The following TUBGCP6 variants were observed in gnomAD, a reference collection of about 807,000 sequenced individuals.
TUBGCP6 encodes tubulin gamma complex component 6, also known as gamma-tubulin complex component 6.
Under a neutral mutation model 175.8 loss-of-function variants are expected in TUBGCP6, and 161 were observed. The ratio of observed to expected loss-of-function variants is 0.92; its 90% CI spans 0.81 to 1.04. The LOEUF (loss-of-function observed/expected upper bound fraction) is 1.04. TUBGCP6 is among the 50% of genes least tolerant of loss of function. The pLI is 0.00. For synonymous variants in TUBGCP6, 1,173 were observed against 1,030.5 expected, an observed-to-expected ratio of 1.14 and a Z score of -2.65; for missense variants, 2,572 against 2,433.0, an observed-to-expected ratio of 1.06 and a Z score of -1.20.
chr22:50,224,802 C>T (rs759904101), intron 10 of TUBGCP6, among the ~76,000 whole-genome samples: 40 of 152,006 alleles, frequency 2.6e-4, no homozygotes, highest in African/African-American at 6.5e-4. Flanking sequence ...AACTATTTGG[C>T]GGGGGTCAGG....
Position 50,221,558 on chromosome 22 carries a change from G to C in TUBGCP6, c.2801C>G (p.Pro934Arg), listed in dbSNP as rs772508851. Residue 934 changes from proline (P) to arginine (R), a missense_variant, in exon 16 of 25, where the codon CCT becomes CGT. Physicochemically the swap from Pro to Arg is moderately radical, Grantham distance 103. Coordinates refer to ENST00000248846, the MANE Select transcript of TUBGCP6 (RefSeq NM_020461.4). ...TINLDLPPSA[P>R]GEAPAAASTQ... Reference sequence around the variant, plus strand: ...GCTGGCTGCTGCGGGTGCCTCCCCAGGAGCTGAGGGGGGCAGGTCCAAGTT... The same window carrying C: ...GCTGGCTGCTGCGGGTGCCTCCCCACGAGCTGAGGGGGGCAGGTCCAAGTT... 6.3e-7 allele frequency: 1 copy of C among 1,587,640 alleles called. No homozygotes were observed.
At chr22:50,227,542 C>T (rs994834241) in intron 5 of TUBGCP6, among the ~76,000 whole-genome samples, 3 of 152,204 alleles carry the variant, frequency 2.0e-5, no homozygotes, top group Non-Finnish European at 2.9e-5. Context: ...CCCACTGCTC[C>T]CAATGCCCAG....
intron 2 of TUBGCP6, among the ~76,000 whole-genome samples, chr22:50,238,008 C>G (rs1229536662): frequency 1.3e-5 from 2 of 152,130 alleles, no homozygotes; most frequent in African/African-American, 4.8e-5. Flanking sequence ...TGTAATCCCA[C>G]TGTAATCCCA....
At chr22:50,220,159 C>T in intron 16 of TUBGCP6, 92 bp downstream of exon 16, 1 of 1,548,064 alleles carries the variant, frequency 6.5e-7, no homozygotes, top group Non-Finnish European at 8.8e-7. Flanking sequence ...CTGAGGGGAA[C>T]TTCACATGCC....
At chr22:50,219,601 A>G (rs377065450) in intron 18 of TUBGCP6, 43 bp downstream of exon 18, 1 of 1,603,966 alleles carries the variant, frequency 6.2e-7, no homozygotes, top group Non-Finnish European at 8.5e-7. Flanking sequence ...GCTGGGAACC[A>G]GCCAGCCCAG....
At chr22:50,227,732 C>A (rs535867782) in intron 5 of TUBGCP6, among the ~76,000 whole-genome samples, 175 bp downstream of exon 5, 1 of 152,336 alleles carries the variant, frequency 6.6e-6, no homozygotes, top group African/African-American at 2.4e-5. Flanking sequence ...GGCAGACACA[C>A]CCGCTCAGCA....
chr22:50,220,565 C>T lies in TUBGCP6; in HGVS notation c.3794G>A (p.Arg1265Gln), dbSNP rs201525094. ...PVSDVVSTRP[R>Q]WNTHVPIPPP... The stretch of plus-strand genomic sequence containing the variant: ...AGGGATGGGTACATGGGTGTTCCAC[C>T]GTGGCCGGGTGGAAACCACATCCGA... Residue 1265 changes from arginine (R) to glutamine (Q), a missense_variant, in exon 16 of 25, where the codon CGG (arginine) becomes CAG (glutamine). Physicochemically the swap from Arg to Gln is conservative, Grantham distance 43 (BLOSUM62 1). Transcript: ENST00000248846. The T allele has an allele frequency of 3.6e-5, 58 of 1,613,632 alleles. No individual in the cohort carries two copies. The highest frequency in any genetic ancestry group is 4.5e-5 in the Non-Finnish European group (53 of 1,180,016).
In TUBGCP6 at chr22:50,229,572, G is replaced by A. The variant is rs1197607982; in HGVS notation, c.1122C>T (p.Ala374=). 1.9e-6 allele frequency: 3 copies of A among 1,589,554 alleles called. No individual in the cohort carries two copies. The highest frequency in any genetic ancestry group is 2.6e-6 in the Non-Finnish European group (3 of 1,169,018). ...VSATFSLCQP[A]QAFVVKRGVH... ...CGCCCCGCTTCACCACAAAGGCCTG[G>A]GCCGGCTGCACAGGGGCAGAGGACA... The change falls in exon 4 of 25, where the codon GCC becomes GCT. Residue 374 remains alanine, a synonymous_variant. Transcript: ENST00000248846.
At chr22:50,222,714 C>G in intron 13 of TUBGCP6, 122 bp from the exon 14 acceptor site, 1 of 1,405,428 alleles carries the variant, frequency 7.1e-7, no homozygotes, top group South Asian at 1.3e-5. Context: ...CCCCCGTCTC[C>G]CCCTACCAGG....
In TUBGCP6 at chr22:50,219,277, G is replaced by A. The variant is rs772274798; in HGVS notation, c.4484+11C>T. On this transcript the variant is annotated intron_variant, in intron 19 of 24. Coordinates refer to ENST00000248846, the MANE Select transcript of TUBGCP6 (RefSeq NM_020461.4). ...GGGTGGGCAGACTGGCGCAGGGGCA[G>A]GGGCACTCACTGGGCGGCCAGCGGT... 1.9e-6 allele frequency: 3 copies of A among 1,607,362 alleles called. No homozygotes were observed. The East Asian group carries it at 6.7e-5, about 36-fold the overall frequency.
chr22:50,237,741 C>A (rs1025701244), intron 2 of TUBGCP6, among the ~76,000 whole-genome samples: 2 of 152,204 alleles, frequency 1.3e-5, no homozygotes, highest in Admixed American at 6.5e-5. Context: ...CAGTCTCCAG[C>A]GTATTCAGAA....
chr22:50,227,829 G>T, intron 5 of TUBGCP6, 78 bp downstream of exon 5: 2 of 1,533,640 alleles, frequency 1.3e-6, no homozygotes, highest in South Asian at 2.4e-5. Context: ...CCAGGGAGCA[G>T]GGCAAACCCT....
At position 50,226,323 on chromosome 22, in the gene TUBGCP6, T is replaced by C. The variant is rs75788615; in HGVS notation, c.1657A>G (p.Met553Val). ...GVFRDAYGEF[M>V]IQVNHEYLSF... ...AGGTACTCGTGGTTCACCTGAATCATGAACTCGCCATAAGCGTCTCTGAAC... is the reference window on the plus strand; with the variant it reads ...AGGTACTCGTGGTTCACCTGAATCACGAACTCGCCATAAGCGTCTCTGAAC... The change falls in exon 8 of 25, where the codon ATG becomes GTG. Residue 553 changes from methionine (M) to valine (V), a missense_variant. Coordinates refer to ENST00000248846, the MANE Select transcript of TUBGCP6 (RefSeq NM_020461.4). 3.7e-6 allele frequency: 6 copies of C among 1,613,744 alleles called. No homozygotes were observed. Among genetic ancestry groups the C allele is most frequent in the African/African-American group, 1.3e-5 (1 of 74,944 alleles).
At chr22:50,238,474 A>AC (rs1308300146) in intron 2 of TUBGCP6, among the ~76,000 whole-genome samples, 1 of 151,604 alleles carries the variant, frequency 6.6e-6, no homozygotes, top group East Asian at 1.9e-4. Context: ...CAAAAAAAAA[A>AC]CAGAAAAAAA....
chr22:50,236,946 G>A (rs376642163), intron 2 of TUBGCP6, among the ~76,000 whole-genome samples: 1 of 152,152 alleles, frequency 6.6e-6, no homozygotes, highest in Non-Finnish European at 1.5e-5. Context: ...TCAGAACTGA[G>A]GGAAAAAAAG....
rs148007010 is a variant in TUBGCP6 at position 50,226,111 on chromosome 22, A to G, written c.1772T>C (p.Ile591Thr). Residue 591 changes from isoleucine (I) to threonine (T), a missense_variant, in exon 9 of 25, where the codon ATT (isoleucine) becomes ACT (threonine). Transcript: ENST00000248846. The stretch of plus-strand genomic sequence containing the variant: ...TCCGCAGACGTATATGTCGTGGGCA[A>G]TGTGCTTCAGAAACACGGGAACACA... ...EDCVPVFLKH[I>T]AHDIYVCGKT... is the part of the protein sequence containing the mutation. 4.3e-6 allele frequency: 7 copies of G among 1,614,060 alleles called. No individual in the cohort carries two copies. The highest frequency in any genetic ancestry group is 1.6e-4 in the Middle Eastern group (1 of 6,084).
rs781529508 is a variant in TUBGCP6, at chr22:50,218,418, A to AGGCAGAG, written c.4955-23_4955-17dup. 1.9e-6 allele frequency: 3 copies of AGGCAGAG among 1,612,772 alleles called. No individual in the cohort carries two copies. The highest frequency in any genetic ancestry group is 2.5e-6 in the Non-Finnish European group (3 of 1,179,832). ...CTCAGCAGGGCTGGCGGAGGGCAGA[A>AGGCAGAG]GGCAGAGGGCAGAGGTGAGCGCAGC... is the stretch of plus-strand genomic sequence containing the variant. On this transcript the variant is annotated splice_polypyrimidine_tract_variant and intron_variant, in intron 22 of 24. Coordinates refer to ENST00000248846, the MANE Select transcript of TUBGCP6 (RefSeq NM_020461.4).
Position 50,221,351 on chromosome 22 carries a change from A to G in TUBGCP6, c.3008T>C (p.Leu1003Pro). ...ACGCCTGGGTGGGTGTGAGGGGAGCAGAGTCTCCCGCGAGGCGGAGCCACA... is the reference window on the plus strand; with the variant it reads ...ACGCCTGGGTGGGTGTGAGGGGAGCGGAGTCTCCCGCGAGGCGGAGCCACA... ...DACGSASRET[L>P]LPSHPPRRAA... Residue 1003 changes from leucine to proline, a missense_variant, in exon 16 of 25, where the codon CTG becomes CCG. Physicochemically the swap from Leu to Pro is moderately conservative, Grantham distance 98 (BLOSUM62 -3). Transcript: ENST00000248846. 1 of 1,612,594 alleles carries G rather than the reference A, an allele frequency of 6.2e-7. No homozygotes were observed. Among genetic ancestry groups the G allele is most frequent in the Admixed American group, 1.7e-5 (1 of 60,016 alleles).
At position 50,229,395 on chromosome 22, in the gene TUBGCP6, A is replaced by G. The variant is rs1280551401; in HGVS notation, c.1290+9T>C. ...AAGGTGTGTGACAACCATGAGGCAA[A>G]GGCCATACCTGGAACACGAGGCCCT... On this transcript the variant is annotated intron_variant, in intron 4 of 24. Transcript: ENST00000248846. 52 of 1,611,912 alleles carry G rather than the reference A, an allele frequency of 3.2e-5. No individual in the cohort carries two copies. In the Admixed American group the frequency reaches 8.7e-4, roughly 27 times the overall value.
Sources: gnomAD v4.1 joint callset for allele counts (sites outside exome capture counted in the v4.1 genomes callset) on GRCh38, gnomAD v4.1.1 for gene constraint, MANE v1.5 for transcripts, NCBI Gene and HGNC (gene_info 2026-07-23, HGNC 2026-07-21) for gene names.